The following KTN1 variants were observed in gnomAD, a reference collection of about 807,000 sequenced individuals.
The protein encoded by KTN1 is kinectin 1.
KTN1 carries 130 observed loss-of-function variants against 222.5 expected under a neutral mutation model. That is an observed-to-expected ratio of 0.58 (90% CI 0.51 to 0.68). KTN1 has a LOEUF of 0.68. Ranked by LOEUF, KTN1 falls within the 30% of genes least tolerant of loss-of-function variation. KTN1 has a pLI of 0.00. For missense variants in KTN1, 1,508 were observed against 1,500.4 expected (o/e 1.01, Z -0.08); for synonymous variants, 512 against 496.3 (o/e 1.03, Z -0.42).
At chr14:55,640,495 C>G in intron 15 of KTN1, 53 bp downstream of exon 15, 2 of 1,273,940 alleles carry the variant, frequency 1.6e-6, no homozygotes, top group South Asian at 2.6e-5. Flanking sequence ...TTTGCGTATT[C>G]TTATTTTCAT....
intron 1 of KTN1, among the ~76,000 whole-genome samples, chr14:55,600,442 A>G (rs2035797853): frequency 6.6e-6 from 1 of 152,102 alleles, no homozygotes; most frequent in Non-Finnish European, 1.5e-5. Flanking sequence ...TAGAGCTAGG[A>G]CCACTGGGAG....
chr14:55,642,864 C>T (rs1244247530), intron 18 of KTN1, among the ~76,000 whole-genome samples: 2 of 151,602 alleles, frequency 1.3e-5, no homozygotes, highest in African/African-American at 4.8e-5. Flanking sequence ...GGAGACAGTG[C>T]TGAAGGGATG....
chr14:55,648,909 T>G, intron 21 of KTN1, 39 bp downstream of exon 21: 1 of 1,327,790 alleles, frequency 7.5e-7, no homozygotes, highest in Non-Finnish European at 1.1e-6. Context: ...GTCTCTGTGT[T>G]TTTTGTTTGT....
At chr14:55,647,793 A>T (rs547207946) in intron 19 of KTN1, among the ~76,000 whole-genome samples, 29 of 150,902 alleles carry the variant, frequency 1.9e-4, no homozygotes, top group Admixed American at 1.8e-3. Flanking sequence ...AAATACAAAA[A>T]ATTAGCCAGG....
chr14:55,665,951 TG>T lies in KTN1; in HGVS notation c.3178-1289del, dbSNP rs1158130404. On this transcript the variant is annotated intron_variant, in intron 33 of 43. Coordinates refer to ENST00000395314, the MANE Select transcript of KTN1 (RefSeq NM_001079521.2). ...TTTCCTTGGAAAGTTTTCAAAAAGC[TG>T]TTCCTCAGTGTCTCTTTTCCTAACC... is the stretch of plus-strand genomic sequence containing the variant. Among the ~76,000 whole-genome samples the T allele has an allele frequency of 2.0e-5, 3 of 152,116 alleles. No homozygotes were observed. The South Asian group carries it at 6.2e-4, about 31-fold the overall frequency.
chr14:55,604,913 T>G (rs1310786315), intron 1 of KTN1, among the ~76,000 whole-genome samples: 1 of 152,218 alleles, frequency 6.6e-6, no homozygotes, highest in Non-Finnish European at 1.5e-5. Flanking sequence ...GTTGCCTGAT[T>G]TAGAATCCAT....
At chr14:55,665,222 A>T (rs1266877955) in intron 33 of KTN1, among the ~76,000 whole-genome samples, 1 of 151,974 alleles carries the variant, frequency 6.6e-6, no homozygotes, top group African/African-American at 2.4e-5. Flanking sequence ...TCTGTCAGCG[A>T]TGAGGGTTTT....
intron 43 of KTN1, chr14:55,682,496 T>C (rs1566870709): frequency 6.6e-6 from 1 of 152,196 alleles, no homozygotes; most frequent in Non-Finnish European, 1.5e-5. Flanking sequence ...CCAGGTTACC[T>C]TATCTTGGAA....
At chr14:55,619,375 A>C in intron 5 of KTN1, 63 bp downstream of exon 5, 1 of 1,522,918 alleles carries the variant, frequency 6.6e-7, no homozygotes, top group Non-Finnish European at 9.0e-7. Flanking sequence ...ACCAAACAAG[A>C]CTTTAGCCAG....
At chr14:55,606,079 G>T (rs960863037) in intron 1 of KTN1, among the ~76,000 whole-genome samples, 1 of 152,016 alleles carries the variant, frequency 6.6e-6, no homozygotes, top group South Asian at 2.1e-4. Flanking sequence ...AGTTTTTTTT[G>T]TTGTTTTTTG....
At chr14:55,631,537 G>A (rs1053602435) in intron 7 of KTN1, among the ~76,000 whole-genome samples, 1 of 151,882 alleles carries the variant, frequency 6.6e-6, no homozygotes, top group African/African-American at 2.4e-5. Flanking sequence ...GCTCATGTCT[G>A]TAATCCCAGC....
At chr14:55,641,574 C>A in intron 17 of KTN1, 118 bp from the exon 18 acceptor site, 1 of 745,386 alleles carries the variant, frequency 1.3e-6, no homozygotes, top group Non-Finnish European at 2.4e-6. Flanking sequence ...TATAATTCAC[C>A]TGTCACTTTG....
chr14:55,646,492 T>TCTCTC (rs2042349504), intron 18 of KTN1, among the ~76,000 whole-genome samples: 1 of 108,408 alleles, frequency 9.2e-6, no homozygotes, highest in African/African-American at 3.8e-5. Context: ...TTCCTTTCCT[T>TCTCTC]TCCTTTCCTT....
At chr14:55,629,383 T>C (rs977860703) in intron 6 of KTN1, among the ~76,000 whole-genome samples, 6 of 136,656 alleles carry the variant, frequency 4.4e-5, no homozygotes, top group Admixed American at 8.4e-5. Flanking sequence ...ACGCCACTGC[T>C]CTCCAGCCTG....
chr14:55,648,715 T>C lies in KTN1; in HGVS notation c.2299-87T>C, dbSNP rs545864520. 8 of 873,360 alleles carry C rather than the reference T, an allele frequency of 9.2e-6. No individual in the cohort carries two copies. The East Asian group carries it at 2.0e-4, about 22-fold the overall frequency. The allele number at this position is 873,360 out of a possible 1,614,324, so 54.1% of individuals were successfully genotyped here. A position where few individuals can be genotyped will look rare whatever the true frequency, so the allele number is the denominator to read the frequency against. On this transcript the variant is annotated intron_variant, in intron 20 of 43. Transcript: ENST00000395314. The stretch of plus-strand genomic sequence containing the variant: ...CCTTCCAGAGTAGAAAAGAAGCAGC[T>C]AAAGAAATGAGAAACTAATGTATTT...
chr14:55,680,766 C>G lies in KTN1; in HGVS notation c.4069+1081C>G. On this transcript the variant is annotated intron_variant, in intron 43 of 43. Coordinates refer to ENST00000395314, the MANE Select transcript of KTN1 (RefSeq NM_001079521.2). ...GGTCAGTTATCTCTAACATGACTTTCCATATAATAAGCCCAGCTCATTCTT... is the reference window on the plus strand; with the variant it reads ...GGTCAGTTATCTCTAACATGACTTTGCATATAATAAGCCCAGCTCATTCTT... 13 of 1,249,970 alleles carry G rather than the reference C, an allele frequency of 1.0e-5. 2 individuals carry two copies. In the South Asian group the frequency reaches 1.2e-4, roughly 11 times the overall value. 77.4% of individuals were successfully genotyped at this position (1,249,970 alleles called of 1,614,324 possible).
intron 18 of KTN1, among the ~76,000 whole-genome samples, chr14:55,646,441 CTTTTCCTTTTCCTTTTCCT>C (rs1291017817): frequency 0.043 from 5,207 of 119,954 alleles, 458 homozygotes; most frequent in African/African-American, 0.083. Context: ...CTTTCCTTTC[CTTTTCCTTTTCCTTTTCCT>C]TTTCCTTTCC....
chr14:55,656,222 T>C (rs2043453513), intron 29 of KTN1, 90 bp downstream of exon 29: 5 of 844,426 alleles, frequency 5.9e-6, no homozygotes, highest in Non-Finnish European at 9.5e-6. Flanking sequence ...AAAAATAGAG[T>C]ACAGAATGAG....
At chr14:55,661,759 G>T (rs766251232) in intron 32 of KTN1, 147 bp downstream of exon 32, 5 of 438,774 alleles carry the variant, frequency 1.1e-5, no homozygotes, top group Non-Finnish European at 2.0e-5. Context: ...GTTTTTTCGG[G>T]GGGCGGGGCA....
Sources: gnomAD v4.1 joint callset for allele counts (sites outside exome capture counted in the v4.1 genomes callset) on GRCh38, gnomAD v4.1.1 for gene constraint, MANE v1.5 for transcripts, NCBI Gene and HGNC (gene_info 2026-07-23, HGNC 2026-07-21) for gene names.